CAST: variants seen among roughly 807,000 people sequenced by gnomAD.
CAST encodes calpastatin.
CAST carries 76 observed loss-of-function variants against 119.6 expected under a neutral mutation model. The observed-to-expected ratio is 0.64, with a 90% confidence interval of 0.53 to 0.77. The LOEUF is 0.77. Among genes scored for constraint, CAST ranks in the 30% least tolerant of loss-of-function variants. CAST has a pLI of 0.00. For synonymous variants in CAST, 319 were observed against 331.6 expected, an observed-to-expected ratio of 0.96 and a Z score of 0.41; for missense variants, 953 against 946.5, an observed-to-expected ratio of 1.01 and a Z score of -0.09.
the CAST span, among the ~76,000 whole-genome samples, chr5:96,321,486 AGT>A: frequency 1.3e-5 from 2 of 152,222 alleles, no homozygotes; most frequent in African/African-American, 4.8e-5. Flanking sequence ...TAATTGGCAA[AGT>A]GTGTCTGGAT....
the CAST span, among the ~76,000 whole-genome samples, chr5:96,114,028 G>C: frequency 6.6e-6 from 1 of 152,094 alleles, no homozygotes; most frequent in African/African-American, 2.4e-5. Flanking sequence ...AGAGAGCCAA[G>C]AAACATGTTT....
chr5:96,689,457 A>G (rs545667354), intron 2 of CAST, among the ~76,000 whole-genome samples: 55 of 152,248 alleles, frequency 3.6e-4, no homozygotes, highest in Non-Finnish European at 7.2e-4. Flanking sequence ...TTGGCAGGAA[A>G]GGAAGAGAAT....
intron 1 of CAST, among the ~76,000 whole-genome samples, chr5:96,663,414 A>G (rs1420962962): frequency 6.6e-6 from 1 of 152,170 alleles, no homozygotes; most frequent in East Asian, 1.9e-4. Flanking sequence ...TCTCGCCCCG[A>G]TGTCAAGCAC....
At chr5:96,289,729 G>T in the CAST span, among the ~76,000 whole-genome samples, 349 of 152,254 alleles carry the variant, frequency 2.3e-3, 2 homozygotes, top group Non-Finnish European at 2.7e-3. Flanking sequence ...CCTCGGGTAA[G>T]TTATTTAACC....
the CAST span, among the ~76,000 whole-genome samples, chr5:96,129,091 G>A: frequency 2.6e-5 from 4 of 152,018 alleles, no homozygotes; most frequent in Non-Finnish European, 5.9e-5. Context: ...TAGAGACCAT[G>A]TCCATTTTGC....
chr5:96,056,695 T>C, the CAST span, among the ~76,000 whole-genome samples: 1 of 152,168 alleles, frequency 6.6e-6, no homozygotes, highest in Non-Finnish European at 1.5e-5. Flanking sequence ...GGGGAAAGTT[T>C]TATGTACATC....
chr5:96,691,182 C>T (rs1042293699), intron 2 of CAST, among the ~76,000 whole-genome samples: 2 of 152,178 alleles, frequency 1.3e-5, no homozygotes, highest in Non-Finnish European at 2.9e-5. Flanking sequence ...CCATTATAAT[C>T]TTATGGGACC....
upstream of CAST, among the ~76,000 whole-genome samples, chr5:96,528,019 G>A (rs982295262): frequency 7.9e-5 from 12 of 152,198 alleles, no homozygotes; most frequent in African/African-American, 2.7e-4. Flanking sequence ...TATTTATTTA[G>A]TATTCATTGT....
At chr5:96,650,897 C>A (rs1228143520) in intron 1 of CAST, among the ~76,000 whole-genome samples, 1 of 152,048 alleles carries the variant, frequency 6.6e-6, no homozygotes, top group Non-Finnish European at 1.5e-5. Flanking sequence ...CAGACTAGTG[C>A]AAAATAGATA....
At chr5:96,656,346 A>C (rs1447677937) in intron 1 of CAST, among the ~76,000 whole-genome samples, 7 of 152,212 alleles carry the variant, frequency 4.6e-5, no homozygotes, top group Non-Finnish European at 8.8e-5. Flanking sequence ...AGGGGAGATT[A>C]TTTTGAAGGC....
intron 1 of CAST, among the ~76,000 whole-genome samples, chr5:96,559,773 T>C (rs1222872509): frequency 1.3e-5 from 2 of 152,194 alleles, no homozygotes; most frequent in African/African-American, 2.4e-5. Flanking sequence ...AGAATGGCTA[T>C]AGTGCCCAAG....
the CAST span, among the ~76,000 whole-genome samples, chr5:96,490,944 T>A: frequency 1.3e-5 from 2 of 152,156 alleles, no homozygotes; most frequent in African/African-American, 4.8e-5. Context: ...AAAAGGTAAG[T>A]CATTCAGTGG....
At chr5:96,236,992 T>A in the CAST span, among the ~76,000 whole-genome samples, 1,539 of 152,296 alleles carry the variant, frequency 0.01, 31 homozygotes, top group African/African-American at 0.034. Context: ...CTGAATCCTA[T>A]AGCCTGTCTC....
chr5:96,201,647 T>C, the CAST span, among the ~76,000 whole-genome samples: 1 of 152,102 alleles, frequency 6.6e-6, no homozygotes, highest in African/African-American at 2.4e-5. Context: ...CACCTCGTAA[T>C]CCAGCTACTG....
At chr5:96,549,664 C>G (rs1350844216) in intron 1 of CAST, among the ~76,000 whole-genome samples, 1 of 152,168 alleles carries the variant, frequency 6.6e-6, no homozygotes, top group Non-Finnish European at 1.5e-5. Flanking sequence ...GTGACTGTAC[C>G]TGGAGGAACA....
intron 1 of CAST, among the ~76,000 whole-genome samples, chr5:96,534,760 A>G (rs1437157728): frequency 3.4e-3 from 313 of 92,238 alleles, no homozygotes; most frequent in East Asian, 7.7e-3. Context: ...AAAGAAAGAA[A>G]GAAAGAAAGA....
At chr5:96,273,556 T>G in the CAST span, among the ~76,000 whole-genome samples, 1 of 152,230 alleles carries the variant, frequency 6.6e-6, no homozygotes, top group Non-Finnish European at 1.5e-5. Flanking sequence ...TTGGCTTTCC[T>G]TGTTGAAGAA....
chr5:96,661,975 G>A, upstream of CAST: 1 of 160,616 alleles, frequency 6.2e-6, no homozygotes, highest in Non-Finnish European at 1.4e-5. Flanking sequence ...GCAGAATGTA[G>A]AAAGAGTATC....
intron 3 of CAST, among the ~76,000 whole-genome samples, chr5:96,701,542 T>C (rs184816251): frequency 1.3e-5 from 2 of 152,320 alleles, no homozygotes; most frequent in African/African-American, 4.8e-5. Flanking sequence ...GCATGGCTCA[T>C]GCCTGTAATC....
Sources: gnomAD v4.1 joint callset for allele counts (sites outside exome capture counted in the v4.1 genomes callset) on GRCh38, gnomAD v4.1.1 for gene constraint, MANE v1.5 for transcripts, NCBI Gene and HGNC (gene_info 2026-07-23, HGNC 2026-07-21) for gene names.